CDK6: variants seen among roughly 807,000 people sequenced by gnomAD.
CDK6 encodes the protein cyclin dependent kinase 6, also known as cyclin-dependent kinase 6.
Under a neutral mutation model 37.1 loss-of-function variants are expected in CDK6, and 6 were observed. The observed-to-expected ratio is 0.16, with a 90% confidence interval of 0.09 to 0.32. The LOEUF is 0.32. Among genes scored for constraint, CDK6 ranks in the 10% least tolerant of loss-of-function variants. The pLI, the probability that CDK6 is intolerant of heterozygous loss-of-function variation, is 1.00. For synonymous variants in CDK6, 160 were observed against 161.3 expected, an observed-to-expected ratio of 0.99 and a Z score of 0.06; for missense variants, 224 against 418.9, an observed-to-expected ratio of 0.53 and a Z score of 4.06.
chr7:92,737,522 C>G (rs993199915), intron 3 of CDK6, among the ~76,000 whole-genome samples: 1 of 152,070 alleles, frequency 6.6e-6, no homozygotes, highest in Non-Finnish European at 1.5e-5. Flanking sequence ...TGAGATTTCC[C>G]GAAACTGTCC....
At chr7:92,810,981 G>T (rs947772648) in intron 2 of CDK6, among the ~76,000 whole-genome samples, 7 of 152,020 alleles carry the variant, frequency 4.6e-5, no homozygotes, top group Non-Finnish European at 1.0e-4. Context: ...CAGGAGAATT[G>T]CTTGAACCCA....
intron 3 of CDK6, among the ~76,000 whole-genome samples, chr7:92,726,724 T>C (rs1027742783): frequency 6.6e-6 from 1 of 152,218 alleles, no homozygotes; most frequent in African/African-American, 2.4e-5. Flanking sequence ...ATCAACTGTT[T>C]TAGAATATTA....
rs1385471072 is a variant in CDK6, at chr7:92,833,920, A to T, written c.-367-230T>A. ...AGCCGTCTTCGCGCGGAGAGGTTGC[A>T]GGGGCCCCTCGGGGATGAGCGAGCG... On this transcript the variant is annotated intron_variant, in intron 1 of 7. Coordinates refer to ENST00000424848, the MANE Select transcript of CDK6 (RefSeq NM_001145306.2). The surrounding 1 kb of genome is among the most constrained non-coding windows in gnomAD (Gnocchi z 6.1). 2 of 398,738 alleles carry T rather than the reference A, an allele frequency of 5.0e-6. No homozygotes were observed. Among genetic ancestry groups the T allele is most frequent in the Non-Finnish European group, 8.8e-6 (2 of 226,344 alleles). 24.7% of individuals were successfully genotyped at this position (398,738 alleles called of 1,614,324 possible). A position where few individuals can be genotyped will look rare whatever the true frequency, so the allele number is the denominator to read the frequency against.
Position 92,613,058 on chromosome 7 carries a change from A to T in CDK6, c.*2082T>A. The T allele has an allele frequency of 4.3e-6, 1 of 233,158 alleles. No homozygotes were observed. 14.4% of individuals were successfully genotyped at this position (233,158 alleles called of 1,614,324 possible). A position where few individuals can be genotyped will look rare whatever the true frequency, so the allele number is the denominator to read the frequency against. On this transcript the variant is annotated 3_prime_UTR_variant, in exon 8 of 8. Transcript: ENST00000424848. ...ACACCTAATCAATGTTGTCACAACGAAAGTAGAAAACATTTGTATGGCCCA... is the reference window on the plus strand; with the variant it reads ...ACACCTAATCAATGTTGTCACAACGTAAGTAGAAAACATTTGTATGGCCCA...
At chr7:92,628,394 T>G (rs904901958) in intron 5 of CDK6, among the ~76,000 whole-genome samples, 2 of 152,146 alleles carry the variant, frequency 1.3e-5, no homozygotes, top group Admixed American at 6.6e-5. Flanking sequence ...CTCTATTATA[T>G]TCGTTTACCT....
chr7:92,689,561 T>G (rs1235109308), intron 4 of CDK6, among the ~76,000 whole-genome samples: 1 of 152,212 alleles, frequency 6.6e-6, no homozygotes, highest in Non-Finnish European at 1.5e-5. Context: ...AGAAAATGAT[T>G]CTTTGCTATT....
At chr7:92,680,435 G>GA (rs778849907) in intron 4 of CDK6, among the ~76,000 whole-genome samples, 1,085 of 27,922 alleles carry the variant, frequency 0.039, 166 homozygotes, top group Non-Finnish European at 0.054. Flanking sequence ...TTCCATCTCA[G>GA]AAAAAAAAAA....
At chr7:92,768,401 G>A (rs1460316243) in intron 3 of CDK6, among the ~76,000 whole-genome samples, 1 of 152,174 alleles carries the variant, frequency 6.6e-6, no homozygotes. Flanking sequence ...TTTTAAACCA[G>A]AACTATGTTA....
chr7:92,646,932 G>T (rs1010960200), intron 5 of CDK6, among the ~76,000 whole-genome samples: 1 of 152,042 alleles, frequency 6.6e-6, no homozygotes, highest in African/African-American at 2.4e-5. Flanking sequence ...AGTGCTTTCT[G>T]GGAATATAAA....
At chr7:92,665,533 T>G (rs1049600263) in intron 5 of CDK6, among the ~76,000 whole-genome samples, 29 of 152,332 alleles carry the variant, frequency 1.9e-4, no homozygotes, top group African/African-American at 6.7e-4. Context: ...ATATTTAAAC[T>G]CTCTGGCTCT....
chr7:92,690,570 T>C (rs1333947600), intron 4 of CDK6, among the ~76,000 whole-genome samples: 1 of 152,164 alleles, frequency 6.6e-6, no homozygotes, highest in Non-Finnish European at 1.5e-5. Context: ...CCAGCTTTGT[T>C]CAAAAAGAAA....
chr7:92,825,922 T>C (rs1441969440), intron 2 of CDK6, among the ~76,000 whole-genome samples: 1 of 152,176 alleles, frequency 6.6e-6, no homozygotes, highest in East Asian at 1.9e-4. Context: ...ATACTTAAAC[T>C]TTCATATAAA....
At chr7:92,789,856 A>G (rs1043750489) in intron 2 of CDK6, among the ~76,000 whole-genome samples, 3 of 152,190 alleles carry the variant, frequency 2.0e-5, no homozygotes, top group African/African-American at 7.2e-5. Flanking sequence ...GAACAGAGAC[A>G]AGAGGCAGAA....
chr7:92,742,714 A>G (rs1013753121), intron 3 of CDK6, among the ~76,000 whole-genome samples: 5 of 150,696 alleles, frequency 3.3e-5, no homozygotes, highest in Non-Finnish European at 7.4e-5. Flanking sequence ...TTAAAATTTT[A>G]TATGTATAAA....
intron 5 of CDK6, among the ~76,000 whole-genome samples, chr7:92,650,293 T>C (rs112050169): frequency 1.6e-3 from 249 of 152,364 alleles, no homozygotes; most frequent in African/African-American, 5.5e-3. Context: ...ATAAAGCTCC[T>C]ACTGAGTGCT....
chr7:92,671,620 G>T, intron 4 of CDK6, 85 bp from the exon 5 acceptor site: 2 of 663,988 alleles, frequency 3.0e-6, no homozygotes, highest in South Asian at 2.6e-5. Flanking sequence ...TTAATGACAA[G>T]ATGTAGTTCA....
At chr7:92,664,058 G>A (rs1475715324) in intron 5 of CDK6, among the ~76,000 whole-genome samples, 1 of 151,340 alleles carries the variant, frequency 6.6e-6, no homozygotes, top group Admixed American at 6.6e-5. Flanking sequence ...GGAGAATGGT[G>A]TGAACCCGGG....
chr7:92,832,713 A>G (rs1485010266), intron 2 of CDK6, among the ~76,000 whole-genome samples: 1 of 152,162 alleles, frequency 6.6e-6, no homozygotes, highest in Non-Finnish European at 1.5e-5. Flanking sequence ...CCCCAACGGC[A>G]TGGCCACGAA....
At chr7:92,648,061 G>A (rs1446832923) in intron 5 of CDK6, among the ~76,000 whole-genome samples, 1 of 152,140 alleles carries the variant, frequency 6.6e-6, no homozygotes, top group Non-Finnish European at 1.5e-5. Context: ...TTCATGTTGG[G>A]GATTCGTTTT....
Sources: gnomAD v4.1 joint callset for allele counts (sites outside exome capture counted in the v4.1 genomes callset) on GRCh38, gnomAD v4.1.1 for gene constraint, Gnocchi (gnomAD v3.1) non-coding constraint, MANE v1.5 for transcripts, NCBI Gene and HGNC (gene_info 2026-07-23, HGNC 2026-07-21) for gene names.